The following VTI1A variants were observed in gnomAD, a reference collection of about 807,000 sequenced individuals.
VTI1A encodes the protein vesicle transport through interaction with t-SNAREs homolog 1A.
In VTI1A, 22 loss-of-function variants were observed where a neutral mutation model predicts 34.9. The ratio of observed to expected loss-of-function variants is 0.63; its 90% CI spans 0.45 to 0.90. VTI1A has a LOEUF of 0.90. Ranked by LOEUF, VTI1A falls within the 40% of genes least tolerant of loss-of-function variation. The pLI is 0.00. For missense variants in VTI1A, 268 were observed against 275.6 expected (o/e 0.97, Z 0.20); for synonymous variants, 87 against 97.3 (o/e 0.89, Z 0.62).
chr10:112,608,568 T>C (rs927845783), intron 5 of VTI1A, among the ~76,000 whole-genome samples: 5 of 152,176 alleles, frequency 3.3e-5, no homozygotes, highest in African/African-American at 1.2e-4. Flanking sequence ...TAATTATTTA[T>C]TTCATGAAGG....
chr10:112,664,298 A>G (rs181198917), intron 5 of VTI1A, among the ~76,000 whole-genome samples: 53 of 152,296 alleles, frequency 3.5e-4, no homozygotes, highest in Admixed American at 3.5e-3. Context: ...CCTTTCAGCC[A>G]GTTTATAACA....
chr10:112,600,010 A>G (rs1844823823), intron 5 of VTI1A, among the ~76,000 whole-genome samples: 1 of 152,166 alleles, frequency 6.6e-6, no homozygotes. Flanking sequence ...CATTTTACAG[A>G]ATTGGAAACT....
chr10:112,581,122 C>T (rs138938858), intron 5 of VTI1A, among the ~76,000 whole-genome samples: 291 of 152,278 alleles, frequency 1.9e-3, no homozygotes, highest in African/African-American at 6.2e-3. Flanking sequence ...TAGGTCACCC[C>T]GTGGGAGCTC....
chr10:112,627,696 T>A (rs1845975335), intron 5 of VTI1A, among the ~76,000 whole-genome samples: 1 of 152,166 alleles, frequency 6.6e-6, no homozygotes, highest in Admixed American at 6.5e-5. Context: ...GATTATTTAT[T>A]CAACAAATAT....
intron 5 of VTI1A, among the ~76,000 whole-genome samples, chr10:112,636,237 C>T (rs1456508224): frequency 6.6e-6 from 1 of 152,224 alleles, no homozygotes; most frequent in Non-Finnish European, 1.5e-5. Flanking sequence ...TATATAAGGG[C>T]ACTTTGTAGA....
chr10:112,601,932 A>C (rs1844895685), intron 5 of VTI1A, among the ~76,000 whole-genome samples: 1 of 152,230 alleles, frequency 6.6e-6, no homozygotes, highest in Non-Finnish European at 1.5e-5. Context: ...ATTCAAATAC[A>C]GATAAAGACA....
At chr10:112,665,916 A>G (rs1423512042) in intron 5 of VTI1A, among the ~76,000 whole-genome samples, 1 of 152,208 alleles carries the variant, frequency 6.6e-6, no homozygotes, top group East Asian at 1.9e-4. Context: ...TTATAATACC[A>G]TCAATCTGAA....
chr10:112,776,717 C>T (rs1174585706), intron 7 of VTI1A, among the ~76,000 whole-genome samples: 2 of 131,510 alleles, frequency 1.5e-5, no homozygotes. Context: ...CTTGTTCTGT[C>T]GCCCAGGTTG....
chr10:112,515,027 A>G (rs867594445), intron 3 of VTI1A, among the ~76,000 whole-genome samples: 21 of 152,104 alleles, frequency 1.4e-4, no homozygotes, highest in Non-Finnish European at 2.4e-4. Context: ...ATAAGAAAAC[A>G]TTTAAAAAAT....
At chr10:112,447,603 C>A in intron 1 of VTI1A, 136 bp downstream of exon 1, 3 of 1,024,362 alleles carry the variant, frequency 2.9e-6, no homozygotes, top group South Asian at 1.5e-5. Flanking sequence ...AGGAGGGATA[C>A]GGCTTGGCTT....
chr10:112,765,103 A>G (rs1436427435), intron 7 of VTI1A, among the ~76,000 whole-genome samples: 2 of 152,228 alleles, frequency 1.3e-5, no homozygotes, highest in African/African-American at 2.4e-5. Context: ...ATGACATCAT[A>G]TTATTATACC....
intron 5 of VTI1A, among the ~76,000 whole-genome samples, chr10:112,643,164 C>CT (rs71035393): frequency 0.53 from 66,468 of 126,248 alleles, 18,769 homozygotes; most frequent in Non-Finnish European, 0.63. Flanking sequence ...TTTTTTTTTT[C>CT]TTTTTTTTTT....
chr10:112,791,205 A>G (rs1852466416), intron 7 of VTI1A, among the ~76,000 whole-genome samples: 2 of 152,106 alleles, frequency 1.3e-5, no homozygotes, highest in Non-Finnish European at 2.9e-5. Flanking sequence ...AGGTTGTTTC[A>G]CTTTCATTTA....
chr10:112,704,657 G>T (rs1021992985), intron 7 of VTI1A, among the ~76,000 whole-genome samples: 2 of 152,092 alleles, frequency 1.3e-5, no homozygotes, highest in African/African-American at 4.8e-5. Context: ...TCAACCACTT[G>T]TTTATTGAGG....
intron 7 of VTI1A, among the ~76,000 whole-genome samples, chr10:112,689,541 A>T (rs1350997891): frequency 6.6e-6 from 1 of 152,158 alleles, no homozygotes; most frequent in Non-Finnish European, 1.5e-5. Flanking sequence ...GTGATGAAGG[A>T]GGACAGAGAA....
At chr10:112,639,887 A>G (rs1846502979) in intron 5 of VTI1A, among the ~76,000 whole-genome samples, 1 of 152,206 alleles carries the variant, frequency 6.6e-6, no homozygotes, top group African/African-American at 2.4e-5. Context: ...AGACTAAAAA[A>G]TAGACCAGAA....
At chr10:112,728,071 C>T (rs1010867470) in intron 7 of VTI1A, among the ~76,000 whole-genome samples, 5 of 152,180 alleles carry the variant, frequency 3.3e-5, no homozygotes, top group Non-Finnish European at 2.9e-5. Flanking sequence ...AGTCTGAACC[C>T]GAAGTCACCG....
intron 7 of VTI1A, among the ~76,000 whole-genome samples, chr10:112,777,413 A>G (rs1851983881): frequency 6.6e-6 from 1 of 152,210 alleles, no homozygotes; most frequent in Admixed American, 6.5e-5. Flanking sequence ...AATCAGTGCC[A>G]TCTCTTCAGG....
At chr10:112,626,116 T>G (rs1845915077) in intron 5 of VTI1A, among the ~76,000 whole-genome samples, 1 of 152,172 alleles carries the variant, frequency 6.6e-6, no homozygotes, top group Non-Finnish European at 1.5e-5. Flanking sequence ...GACGCATCAT[T>G]CAGTTCTAGA....
Sources: allele counts gnomAD v4.1 joint callset (sites outside exome capture counted in the v4.1 genomes callset), GRCh38; gene constraint gnomAD v4.1.1; transcripts MANE v1.5; gene names NCBI Gene and HGNC (gene_info 2026-07-23, HGNC 2026-07-21).